POU2F3: variants seen among roughly 807,000 people sequenced by gnomAD.
POU2F3 encodes POU domain, class 2, transcription factor 3.
In POU2F3, 23 loss-of-function variants were observed where a neutral mutation model predicts 59.2. That is an observed-to-expected ratio of 0.39 (90% CI 0.28 to 0.55). The LOEUF is 0.55. Ranked by LOEUF, POU2F3 falls within the 20% of genes least tolerant of loss-of-function variation. The pLI, the probability that POU2F3 is intolerant of heterozygous loss-of-function variation, is 0.66. For synonymous variants in POU2F3, 190 were observed against 214.6 expected (o/e 0.89, Z 1.00); for missense variants, 473 against 544.5 (o/e 0.87, Z 1.31).
intron 3 of POU2F3, 59 bp from the exon 4 acceptor site, chr11:120,298,206 C>T: frequency 1.9e-6 from 3 of 1,545,122 alleles, no homozygotes; most frequent in Non-Finnish European, 2.6e-6. Context: ...CTGCCATTTC[C>T]ATCTCTGACT....
rs1245108300 is a variant in POU2F3 at position 120,258,441 on chromosome 11, T to A, written c.98-10769T>A. Among the ~76,000 whole-genome samples the A allele has an allele frequency of 2.0e-5, 3 of 152,240 alleles. No homozygotes were observed. In the East Asian group the frequency reaches 5.8e-4, roughly 29 times the overall value. ...CCTGAGTTGCCATTTGCTGGTCGCA[T>A]GACTTTTAGCACATGGCTTGTCCTT... On this transcript the variant is annotated intron_variant, in intron 2 of 12. Coordinates refer to ENST00000543440, the MANE Select transcript of POU2F3 (RefSeq NM_014352.4).
chr11:120,273,238 C>G (rs1397356690), intron 3 of POU2F3, among the ~76,000 whole-genome samples: 1 of 152,184 alleles, frequency 6.6e-6, no homozygotes, highest in Non-Finnish European at 1.5e-5. Context: ...CTAGGACCAT[C>G]CATTCAACCT....
At chr11:120,303,456 G>C (rs951665389) in intron 6 of POU2F3, 3 of 152,262 alleles carry the variant, frequency 2.0e-5, no homozygotes, top group African/African-American at 7.2e-5. Flanking sequence ...AATAAGAAGA[G>C]GGGATGATTG....
chr11:120,260,032 C>T (rs1202186463), intron 2 of POU2F3, among the ~76,000 whole-genome samples: 1 of 152,216 alleles, frequency 6.6e-6, no homozygotes, highest in African/African-American at 2.4e-5. Flanking sequence ...GAAATGCCAG[C>T]AAGGTGCTAG....
intron 3 of POU2F3, among the ~76,000 whole-genome samples, chr11:120,292,021 G>C (rs548164525): frequency 6.6e-6 from 1 of 152,056 alleles, no homozygotes; most frequent in African/African-American, 2.4e-5. Context: ...TGTTAGCCAG[G>C]ATGGTCTTGA....
intron 2 of POU2F3, among the ~76,000 whole-genome samples, chr11:120,249,437 C>G (rs1485034886): frequency 6.6e-6 from 1 of 152,206 alleles, no homozygotes; most frequent in Non-Finnish European, 1.5e-5. Context: ...CCTCGAACTC[C>G]TGGCTCAAGG....
intron 2 of POU2F3, among the ~76,000 whole-genome samples, chr11:120,263,327 C>A (rs1322074253): frequency 6.6e-6 from 1 of 152,150 alleles, no homozygotes; most frequent in East Asian, 1.9e-4. Context: ...AGTTCCACCT[C>A]CCCATCTTTG....
At chr11:120,237,282 G>T (rs564429758), upstream of POU2F3, among the ~76,000 whole-genome samples, 4 of 152,182 alleles carry the variant, frequency 2.6e-5, no homozygotes, top group Non-Finnish European at 5.9e-5. Context: ...TTGAGTGAAT[G>T]AGTAAATGAA....
intron 3 of POU2F3, among the ~76,000 whole-genome samples, chr11:120,277,814 G>C (rs1270186758): frequency 6.6e-6 from 1 of 152,092 alleles, no homozygotes; most frequent in Non-Finnish European, 1.5e-5. Flanking sequence ...ATAAAAATCA[G>C]TAATATTGTC....
At chr11:120,317,120 G>A (rs1941808574) in intron 11 of POU2F3, 109 bp from the exon 12 acceptor site, 3 of 1,332,162 alleles carry the variant, frequency 2.3e-6, no homozygotes, top group African/African-American at 2.9e-5. Flanking sequence ...GAGAGGGTGA[G>A]GTCCCTTTGG....
chr11:120,288,343 C>A (rs7121784), intron 3 of POU2F3, among the ~76,000 whole-genome samples: 34,186 of 151,920 alleles, frequency 0.23, 4,927 homozygotes, highest in African/African-American at 0.41. Flanking sequence ...GATCTCTATT[C>A]GAAAAGAAAC....
intron 5 of POU2F3, among the ~76,000 whole-genome samples, chr11:120,300,196 G>T (rs920927137): frequency 2.0e-5 from 3 of 152,096 alleles, no homozygotes; most frequent in African/African-American, 7.2e-5. Context: ...GTTTTCTTTG[G>T]CAGGGAAGTT....
chr11:120,315,461 A>G (rs1417582169), intron 11 of POU2F3, 34 bp downstream of exon 11: 1 of 1,580,534 alleles, frequency 6.3e-7, no homozygotes, highest in East Asian at 2.2e-5. Context: ...GAAGAACACC[A>G]GAATTCTTTT....
At chr11:120,277,912 G>A (rs576760577) in intron 3 of POU2F3, among the ~76,000 whole-genome samples, 3 of 152,144 alleles carry the variant, frequency 2.0e-5, no homozygotes, top group African/African-American at 7.2e-5. Flanking sequence ...CCCCTAAAAG[G>A]TTTAATGAGA....
chr11:120,298,539 G>A, intron 4 of POU2F3, 149 bp downstream of exon 4: 1 of 1,129,912 alleles, frequency 8.9e-7, no homozygotes, highest in Non-Finnish European at 1.2e-6. Flanking sequence ...TTCTAAAACA[G>A]TCCTCTTACA....
chr11:120,246,492 C>T lies in POU2F3; in HGVS notation c.72C>T (p.Arg24=). The part of the protein sequence containing the change: ...SGDVADSTDA[R]STLSQVEPGN... The stretch of plus-strand genomic sequence containing the variant: ...ATGTAGCCGATTCCACGGATGCTCG[C>T]AGCACTCTCAGCCAGGTGGAGCCAG... The change falls in exon 2 of 13, where the codon CGC becomes CGT. Residue 24 remains arginine, a synonymous_variant. Transcript: ENST00000543440. The T allele has an allele frequency of 6.2e-7, 1 of 1,613,316 alleles. No individual in the cohort carries two copies. Among genetic ancestry groups the T allele is most frequent in the Non-Finnish European group, 8.5e-7 (1 of 1,179,930 alleles).
intron 3 of POU2F3, among the ~76,000 whole-genome samples, chr11:120,288,128 C>CAAAAAAAAAAAAAAAAAAAAAAACAA: frequency 7.9e-5 from 5 of 63,324 alleles, no homozygotes; most frequent in Admixed American, 5.1e-4. Context: ...ACAAAAAAAC[C>CAAAAAAAAAAAAAAAAAAAAAAACAA]AAAAAAAAAA....
rs75070567 is a variant in POU2F3 at position 120,267,033 on chromosome 11, A to AT, written c.98-2169dup. On this transcript the variant is annotated intron_variant, in intron 2 of 12. Transcript: ENST00000543440. ...TACAACATCACAATGTCACAAAGGG[A>AT]TTTTTTTTAAGAGAAAAGCAATTTT... Among the ~76,000 whole-genome samples the AT allele has an allele frequency of 0.03, 4,488 of 152,010 alleles. 885 individuals carry two copies. The East Asian group carries it at 0.55, about 19-fold the overall frequency.
intron 2 of POU2F3, among the ~76,000 whole-genome samples, chr11:120,257,818 C>A (rs982537530): frequency 8.5e-5 from 13 of 152,300 alleles, no homozygotes; most frequent in Admixed American, 5.9e-4. Context: ...AACGAAGGAA[C>A]AACTGCATTT....
Sources: allele counts gnomAD v4.1 joint callset (sites outside exome capture counted in the v4.1 genomes callset), GRCh38; gene constraint gnomAD v4.1.1; transcripts MANE v1.5; gene names NCBI Gene and HGNC (gene_info 2026-07-23, HGNC 2026-07-21).